The following EPHX1 variants were observed in gnomAD, a reference collection of about 807,000 sequenced individuals.
EPHX1 encodes epoxide hydrolase 1.
In EPHX1, 40 loss-of-function variants were observed where a neutral mutation model predicts 43.2. The observed-to-expected ratio is 0.93, with a 90% CI of 0.72 to 1.21. EPHX1 has a LOEUF of 1.21. Ranked by LOEUF, EPHX1 falls within the 50% of genes most tolerant of loss-of-function variation. EPHX1 has a pLI of 0.00. For missense variants in EPHX1, 550 were observed against 570.4 expected (o/e 0.96, Z 0.36); for synonymous variants, 221 against 226.7 (o/e 0.98, Z 0.22).
chr1:225,839,950 C>G lies in EPHX1; in HGVS notation c.844C>G (p.Leu282Val), dbSNP rs775536699. ...LGLTERDVEL[L>V]YPVKEKVFYS... The stretch of plus-strand genomic sequence containing the variant: ...CCTCACTGAGAGGGATGTGGAGCTG[C>G]TGTACCCCGTCAAGGAGAAGGTATT... Residue 282 changes from leucine (L) to valine (V), a missense_variant, in exon 6 of 9, where the codon CTG (leucine) becomes GTG (valine). Transcript: ENST00000272167. The G allele has an allele frequency of 1.5e-5, 25 of 1,614,138 alleles. No homozygotes were observed. Among genetic ancestry groups the G allele is most frequent in the Middle Eastern group, 1.6e-4 (1 of 6,084 alleles).
intron 1 of EPHX1, among the ~76,000 whole-genome samples, chr1:225,820,991 A>T (rs1377537938): frequency 6.6e-6 from 1 of 152,144 alleles, no homozygotes; most frequent in Non-Finnish European, 1.5e-5. Context: ...AAACATGTTT[A>T]TACTTGCTTT....
chr1:225,836,024 G>A (rs112670753), intron 3 of EPHX1, among the ~76,000 whole-genome samples: 143 of 152,248 alleles, frequency 9.4e-4, no homozygotes, highest in African/African-American at 3.3e-3. Context: ...GGCAACATAG[G>A]AGGACACCCA....
intron 3 of EPHX1, among the ~76,000 whole-genome samples, chr1:225,833,348 T>TA (rs1160099706): frequency 6.6e-6 from 1 of 152,120 alleles, no homozygotes; most frequent in African/African-American, 2.4e-5. Flanking sequence ...AAATTGAAAT[T>TA]ATAGTGTTAA....
chr1:225,844,460 T>A, intron 7 of EPHX1, 38 bp from the exon 8 acceptor site: 2 of 1,480,352 alleles, frequency 1.4e-6, no homozygotes, highest in Non-Finnish European at 1.9e-6. Context: ...CAACTGCATG[T>A]GGCACTGAGA....
chr1:225,837,985 A>G (rs1048006600), intron 3 of EPHX1, among the ~76,000 whole-genome samples: 10 of 152,248 alleles, frequency 6.6e-5, no homozygotes, highest in Non-Finnish European at 1.3e-4. Flanking sequence ...TCTACTGCTC[A>G]GGAGAACTGC....
rs539157916 is a variant in EPHX1, at chr1:225,831,555, AAAAAG to A, written c.184-219_184-215del. Among the ~76,000 whole-genome samples, 29,067 of 103,004 alleles carry A rather than the reference AAAAAG, an allele frequency of 0.28. 2,852 individuals carry two copies. The highest frequency in any genetic ancestry group is 0.38 in the East Asian group (1,060 of 2,778). 67.6% of individuals were successfully genotyped at this position (103,004 alleles called of 152,430 possible). ...GAGTGAGACCCTATCTCAAAAAAAA[AAAAAG>A]AAAAAAGAAAAAAGAAATGCGAAGT... is the stretch of plus-strand genomic sequence containing the variant. On this transcript the variant is annotated intron_variant, in intron 2 of 8. Coordinates refer to ENST00000272167, the MANE Select transcript of EPHX1 (RefSeq NM_001136018.4).
intron 3 of EPHX1, among the ~76,000 whole-genome samples, chr1:225,833,543 C>T (rs1361348847): frequency 1.3e-5 from 2 of 152,130 alleles, no homozygotes; most frequent in African/African-American, 4.8e-5. Context: ...CGCCTGTAAT[C>T]CCAGCACTTT....
rs140462041 is a variant in EPHX1 at position 225,828,418 on chromosome 1, C to T, written c.-5-307C>T. 7.5e-3 allele frequency among the ~76,000 whole-genome samples: 1,139 copies of T among 151,682 alleles called. 19 individuals are homozygous for T. The highest frequency in any genetic ancestry group is 0.026 in the African/African-American group (1,084 of 41,390). ...ACCCAGGGCTGTGCAGAAGCCAAAC[C>T]AGGTTCCTATTTTCCCAGGATGATG... On this transcript the variant is annotated intron_variant, in intron 1 of 8. Transcript: ENST00000272167.
At chr1:225,830,217 ACTTGCTTGCTG>A (rs1242558511) in intron 2 of EPHX1, among the ~76,000 whole-genome samples, 1 of 152,194 alleles carries the variant, frequency 6.6e-6, no homozygotes, top group Non-Finnish European at 1.5e-5. Flanking sequence ...CCTGGGTAGG[ACTTGCTTGCTG>A]CAGCCTTGCT....
intron 7 of EPHX1, 127 bp downstream of exon 7, chr1:225,842,601 C>G: frequency 1.3e-6 from 1 of 789,832 alleles, no homozygotes; most frequent in Middle Eastern, 2.3e-4. Context: ...GGCTTTCTTA[C>G]AAATCCTCAC....
chr1:225,825,208 T>A (rs1667172832), intron 1 of EPHX1: 1 of 152,198 alleles, frequency 6.6e-6, no homozygotes, highest in African/African-American at 2.4e-5. Flanking sequence ...ATCTCTCAGG[T>A]CAGCGTGGTT....
intron 1 of EPHX1, among the ~76,000 whole-genome samples, chr1:225,820,835 C>T (rs190845182): frequency 6.6e-6 from 1 of 152,114 alleles, no homozygotes; most frequent in African/African-American, 2.4e-5. Flanking sequence ...GTGTCTATAA[C>T]TGGAAGGGTG....
chr1:225,837,709 G>A (rs1259701417), intron 3 of EPHX1, among the ~76,000 whole-genome samples: 1 of 151,852 alleles, frequency 6.6e-6, no homozygotes, highest in African/African-American at 2.4e-5. Context: ...TAGTAGAGAC[G>A]GGGTTTCACC....
chr1:225,845,078 C>A, intron 8 of EPHX1, 68 bp from the exon 9 acceptor site: 1 of 1,552,572 alleles, frequency 6.4e-7, no homozygotes, highest in Non-Finnish European at 8.9e-7. Context: ...CGCTTTAACC[C>A]CCTGCTGTGC....
Position 225,845,492 on chromosome 1 carries a change from A to G in EPHX1, c.*145A>G. The G allele has an allele frequency of 1.3e-6, 1 of 775,038 alleles. No homozygotes were observed. The allele number at this position is 775,038 out of a possible 1,614,324, so 48.0% of individuals were successfully genotyped here. ...CCACGCTCACCCCCTCACCCCTCCA[A>G]GCTCACTCCCCAACCCCCAACTCCG... On this transcript the variant is annotated 3_prime_UTR_variant, in exon 9 of 9. Transcript: ENST00000272167.
At chr1:225,822,083 C>T (rs539403146) in intron 1 of EPHX1, among the ~76,000 whole-genome samples, 1 of 152,310 alleles carries the variant, frequency 6.6e-6, no homozygotes, top group South Asian at 2.1e-4. Flanking sequence ...TTCCACCTTT[C>T]ACAAATGCAT....
At chr1:225,833,800 A>G (rs1287012951) in intron 3 of EPHX1, among the ~76,000 whole-genome samples, 1 of 145,424 alleles carries the variant, frequency 6.9e-6, no homozygotes, top group East Asian at 2.1e-4. Context: ...GTCTTTAAAA[A>G]AAAAAAAAAA....
chr1:225,832,931 A>C (rs1667695989), intron 3 of EPHX1, among the ~76,000 whole-genome samples: 1 of 152,176 alleles, frequency 6.6e-6, no homozygotes, highest in Non-Finnish European at 1.5e-5. Flanking sequence ...ATATATTCTG[A>C]ATAAAATCTC....
At chr1:225,843,508 A>G (rs1359899003) in intron 7 of EPHX1, among the ~76,000 whole-genome samples, 3 of 152,136 alleles carry the variant, frequency 2.0e-5, no homozygotes, top group Non-Finnish European at 4.4e-5. Context: ...AGCAGGACAC[A>G]GGGGTTGATG....
Sources: allele counts gnomAD v4.1 joint callset (sites outside exome capture counted in the v4.1 genomes callset), GRCh38; gene constraint gnomAD v4.1.1; transcripts MANE v1.5; gene names NCBI Gene and HGNC (gene_info 2026-07-23, HGNC 2026-07-21).